Variants in PAX2 observed in about 807,000 individuals in gnomAD.
PAX2 encodes the protein paired box protein Pax-2.
In PAX2, 9 loss-of-function variants were observed where a neutral mutation model predicts 41.7. That is an observed-to-expected ratio of 0.22 (90% CI 0.13 to 0.38). The LOEUF (loss-of-function observed/expected upper bound fraction) is 0.38. Among genes scored for constraint, PAX2 ranks in the 10% least tolerant of loss-of-function variants. The probability of loss-of-function intolerance (pLI) is 1.00; values close to 1 mark genes in which losing one functional copy is unlikely to be tolerated. For missense variants in PAX2, 418 were observed against 531.6 expected, an observed-to-expected ratio of 0.79 and a Z score of 2.10; for synonymous variants, 221 against 212.7, an observed-to-expected ratio of 1.04 and a Z score of -0.34.
chr10:100,746,404 T>C lies in PAX2; in HGVS notation c.43+101T>C, dbSNP rs906939842. ...GGCCCCTCGCGCTCAGGTCCCATCT[T>C]GGAGGCCTCCCTGGCTTCTGGTCCC... On this transcript the variant is annotated intron_variant, in intron 1 of 9. Transcript: ENST00000355243. 44 of 835,748 alleles carry C rather than the reference T, an allele frequency of 5.3e-5. No individual in the cohort carries two copies. The African/African-American group carries it at 6.7e-4, about 13-fold the overall frequency. 51.8% of individuals were successfully genotyped at this position (835,748 alleles called of 1,614,324 possible). A position where few individuals can be genotyped will look rare whatever the true frequency, so the allele number is the denominator to read the frequency against.
upstream of PAX2, among the ~76,000 whole-genome samples, chr10:100,742,147 A>T (rs974726801): frequency 6.6e-6 from 1 of 152,034 alleles, no homozygotes. Context: ...CTGGGCAGAA[A>T]ACGCTGGGCC....
chr10:100,769,742 A>T (rs142696259), intron 3 of PAX2, among the ~76,000 whole-genome samples: 107 of 152,102 alleles, frequency 7.0e-4, no homozygotes, highest in Admixed American at 1.7e-3. Flanking sequence ...TTTGTTATTG[A>T]ACAAATAGCT....
chr10:100,808,001 G>A (rs1395339918), intron 6 of PAX2, among the ~76,000 whole-genome samples: 7 of 152,162 alleles, frequency 4.6e-5, no homozygotes, highest in East Asian at 3.9e-4. Flanking sequence ...TGGCCGAGGC[G>A]GGCGGCTCAG....
chr10:100,822,464 C>T (rs1034541653), intron 7 of PAX2, among the ~76,000 whole-genome samples: 1 of 152,080 alleles, frequency 6.6e-6, no homozygotes, highest in Non-Finnish European at 1.5e-5. Context: ...GATTGATGGA[C>T]GATTAATCAA....
At chr10:100,804,971 C>T (rs1339987695) in intron 5 of PAX2, among the ~76,000 whole-genome samples, 3 of 151,226 alleles carry the variant, frequency 2.0e-5, no homozygotes, top group African/African-American at 7.3e-5. Flanking sequence ...CTCTTTCTCT[C>T]TCTCCTTCTC....
rs1232190590 is a variant in PAX2, at chr10:100,829,280, C to T, written c.*1661C>T. On this transcript the variant is annotated 3_prime_UTR_variant, in exon 10 of 10. Transcript: ENST00000355243. ...TCTCCCCCTCTGTCTCTGTCTCTCTCCGTCTCTGTCGCTCTTGTCTGTCTG... is the reference window on the plus strand; with the variant it reads ...TCTCCCCCTCTGTCTCTGTCTCTCTTCGTCTCTGTCGCTCTTGTCTGTCTG... 4.3e-6 allele frequency: 1 copy of T among 230,354 alleles called. No individual in the cohort carries two copies. Among genetic ancestry groups the T allele is most frequent in the Non-Finnish European group, 8.6e-6 (1 of 116,268 alleles). 14.3% of individuals were successfully genotyped at this position (230,354 alleles called of 1,614,324 possible).
At chr10:100,740,363 T>A (rs1017733671) in intron 1 of PAX2, among the ~76,000 whole-genome samples, 1 of 151,426 alleles carries the variant, frequency 6.6e-6, no homozygotes, top group African/African-American at 2.4e-5. Flanking sequence ...AATGGAGGAG[T>A]GGCAGGAGGT....
chr10:100,742,675 C>T (rs1845003332), upstream of PAX2, among the ~76,000 whole-genome samples: 2 of 150,200 alleles, frequency 1.3e-5, no homozygotes, highest in South Asian at 2.1e-4. Context: ...TGTAAATGCC[C>T]CTAGGTTGGG....
chr10:100,784,294 C>T (rs1172123010), intron 5 of PAX2, among the ~76,000 whole-genome samples: 1 of 152,246 alleles, frequency 6.6e-6, no homozygotes, highest in African/African-American at 2.4e-5. Context: ...CAGGTGTGTC[C>T]TTCAGTGACT....
At chr10:100,768,257 T>C (rs1353443382) in intron 3 of PAX2, among the ~76,000 whole-genome samples, 3 of 152,166 alleles carry the variant, frequency 2.0e-5, no homozygotes, top group Non-Finnish European at 4.4e-5. Context: ...ATCAATGCAT[T>C]GGAGCAGACC....
chr10:100,762,046 C>T (rs1472002700), intron 3 of PAX2, among the ~76,000 whole-genome samples: 1 of 152,052 alleles, frequency 6.6e-6, no homozygotes, highest in Non-Finnish European at 1.5e-5. Context: ...TGAAGGAGTA[C>T]ATGGGAGAGA....
At chr10:100,821,473 A>C (rs982381058) in intron 7 of PAX2, among the ~76,000 whole-genome samples, 5 of 152,206 alleles carry the variant, frequency 3.3e-5, no homozygotes, top group Non-Finnish European at 7.3e-5. Flanking sequence ...AAATTTCTAC[A>C]TGGCACTGCC....
intron 3 of PAX2, among the ~76,000 whole-genome samples, chr10:100,777,670 C>T (rs1329177386): frequency 6.6e-6 from 1 of 152,234 alleles, no homozygotes; most frequent in Non-Finnish European, 1.5e-5. Flanking sequence ...GCTGGGATTA[C>T]AGGCGTGAGC....
chr10:100,740,417 G>C (rs1844912202), intron 1 of PAX2, among the ~76,000 whole-genome samples: 3 of 152,194 alleles, frequency 2.0e-5, no homozygotes, highest in Non-Finnish European at 4.4e-5. Flanking sequence ...GTGTGGCATA[G>C]CCAATAGAAG....
intron 3 of PAX2, among the ~76,000 whole-genome samples, chr10:100,763,114 T>C (rs1356881325): frequency 2.6e-5 from 4 of 152,248 alleles, no homozygotes; most frequent in Non-Finnish European, 4.4e-5. Flanking sequence ...GTCAAATAGC[T>C]GCTACCCCTG....
intron 1 of PAX2, among the ~76,000 whole-genome samples, chr10:100,738,271 C>T (rs980214298): frequency 9.2e-5 from 14 of 152,188 alleles, no homozygotes; most frequent in African/African-American, 2.9e-4. Flanking sequence ...TTTGCCAGGC[C>T]TCCTCACCCC....
rs145903806 is a variant in PAX2, at chr10:100,785,863, T to A, written c.616+4498T>A. Among the ~76,000 whole-genome samples, 795 of 152,156 alleles carry A rather than the reference T, an allele frequency of 5.2e-3. 3 individuals carry two copies. Among genetic ancestry groups the A allele is most frequent in the Middle Eastern group, 0.014 (4 of 294 alleles). On this transcript the variant is annotated intron_variant, in intron 5 of 9. Coordinates refer to ENST00000355243, the MANE Select transcript of PAX2 (RefSeq NM_000278.5). ...GGCCTCTGGAGTGAGCACAGCAGGG[T>A]CTGAATCCTGGTGCCCCTCACTAGT... is the stretch of plus-strand genomic sequence containing the variant.
chr10:100,796,595 G>A (rs909973464), intron 5 of PAX2, among the ~76,000 whole-genome samples: 9 of 152,104 alleles, frequency 5.9e-5, no homozygotes, highest in Non-Finnish European at 1.0e-4. Context: ...TTCATTTTTA[G>A]AGCATCCCAT....
At chr10:100,781,225 T>G (rs369079328) in intron 4 of PAX2, 21 bp from the exon 5 acceptor site, 24 of 1,613,772 alleles carry the variant, frequency 1.5e-5, no homozygotes, top group Non-Finnish European at 1.9e-5. Flanking sequence ...CTGATGCCAT[T>G]TCCTCCTTCC....
Sources: gnomAD v4.1 joint callset for allele counts (sites outside exome capture counted in the v4.1 genomes callset) on GRCh38, gnomAD v4.1.1 for gene constraint, MANE v1.5 for transcripts, NCBI Gene and HGNC (gene_info 2026-07-23, HGNC 2026-07-21) for gene names.